Variants in TACC1 observed in about 807,000 individuals in gnomAD.
The protein encoded by TACC1 is transforming acidic coiled-coil-containing protein 1.
TACC1 carries 48 observed loss-of-function variants against 84.4 expected under a neutral mutation model. The observed-to-expected ratio is 0.57, with a 90% confidence interval of 0.45 to 0.72. TACC1 has a LOEUF of 0.72. Among genes scored for constraint, TACC1 ranks in the 30% least tolerant of loss-of-function variants. The pLI is 0.00. For missense variants in TACC1, 920 were observed against 973.0 expected (o/e 0.95, Z 0.72); for synonymous variants, 372 against 376.3 (o/e 0.99, Z 0.13).
intron 1 of TACC1, among the ~76,000 whole-genome samples, chr8:38,734,039 G>A (rs1383681104): frequency 6.6e-6 from 1 of 152,114 alleles, no homozygotes; most frequent in East Asian, 1.9e-4. Context: ...ATAAGTATGG[G>A]GAACTGGGGA....
chr8:38,834,603 A>G (rs1002445019), intron 6 of TACC1, among the ~76,000 whole-genome samples: 6 of 152,106 alleles, frequency 3.9e-5, no homozygotes, highest in Non-Finnish European at 8.8e-5. Flanking sequence ...CCTCCCCCAA[A>G]TGCTGCTGGA....
In TACC1 at chr8:38,746,524, G is replaced by C. The variant is rs528246396; in HGVS notation, c.26+1031G>C. 3.3e-5 allele frequency among the ~76,000 whole-genome samples: 5 copies of C among 152,150 alleles called. No individual in the cohort carries two copies. In the South Asian group the frequency reaches 1.0e-3, roughly 32 times the overall value. On this transcript the variant is annotated intron_variant, in intron 3 of 14. Transcript: ENST00000518415. ...TGAGATTTCAATTACATGTATGTTT[G>C]TTTGATATCATCTAACAAGTCTCTG...
chr8:38,837,052 A>C (rs1830367821), intron 7 of TACC1, among the ~76,000 whole-genome samples: 1 of 151,594 alleles, frequency 6.6e-6, no homozygotes, highest in Admixed American at 6.6e-5. Context: ...GAGGGATGTC[A>C]GCTAGTCCTG....
intron 8 of TACC1, 30 bp downstream of exon 8, chr8:38,838,576 G>T (rs1477662008): frequency 2.6e-6 from 4 of 1,560,634 alleles, no homozygotes; most frequent in Non-Finnish European, 3.5e-6. Context: ...GGAGGGGCTG[G>T]ATACTTTTAT....
intron 6 of TACC1, among the ~76,000 whole-genome samples, chr8:38,833,827 C>G (rs1213670664): frequency 6.6e-6 from 1 of 152,168 alleles, no homozygotes; most frequent in Non-Finnish European, 1.5e-5. Context: ...TTGACTTAAC[C>G]TGGGGACTCT....
rs1159921364 is a variant in TACC1, at chr8:38,819,888, C to G, written c.644C>G (p.Ala215Gly). 5.0e-6 allele frequency: 8 copies of G among 1,613,950 alleles called. No individual in the cohort carries two copies. Among genetic ancestry groups the G allele is most frequent in the Non-Finnish European group, 6.8e-6 (8 of 1,180,054 alleles). Residue 215 changes from alanine (A) to glycine (G), a missense_variant, in exon 3 of 13, where the codon GCT (alanine) becomes GGT (glycine). Transcript: ENST00000317827. Reference sequence around the variant, plus strand: ...GCCTCCGCAGAAGCTGATCTAAAAGCTGGCAACTCCTGTCCAGAGCTTGTG... The same window carrying G: ...GCCTCCGCAGAAGCTGATCTAAAAGGTGGCAACTCCTGTCCAGAGCTTGTG... Reference protein sequence around the residue: ...LEASAEADLKAGNSCPELVPS... With the variant: ...LEASAEADLKGGNSCPELVPS...
intron 1 of TACC1, among the ~76,000 whole-genome samples, chr8:38,735,049 C>G (rs527430965): frequency 6.6e-6 from 1 of 152,232 alleles, no homozygotes. Flanking sequence ...TGCAAGGATA[C>G]GTCATGGAAA....
chr8:38,757,377 C>T (rs925146323), intron 3 of TACC1: 3 of 1,261,532 alleles, frequency 2.4e-6, no homozygotes, highest in African/African-American at 3.2e-5. Context: ...GGGAACCCGC[C>T]GGGGAGAGGC....
chr8:38,785,474 G>A (rs1719469162), upstream of TACC1, among the ~76,000 whole-genome samples: 1 of 152,150 alleles, frequency 6.6e-6, no homozygotes. Context: ...GCCAGGCAGG[G>A]GTGACCTCAG....
At chr8:38,757,408 G>A in intron 3 of TACC1, 1 of 1,247,106 alleles carries the variant, frequency 8.0e-7, no homozygotes, top group South Asian at 1.3e-5. Flanking sequence ...CACGGAGACC[G>A]CGTGAGTCCC....
chr8:38,748,095 G>A (rs1487534193), intron 3 of TACC1, among the ~76,000 whole-genome samples: 2 of 151,958 alleles, frequency 1.3e-5, no homozygotes, highest in Non-Finnish European at 2.9e-5. Flanking sequence ...AAGACAGAAG[G>A]AAACCAAATA....
chr8:38,749,939 A>T (rs1277077964), intron 3 of TACC1, among the ~76,000 whole-genome samples: 2 of 152,234 alleles, frequency 1.3e-5, no homozygotes, highest in Non-Finnish European at 2.9e-5. Context: ...AATTCAACAA[A>T]TTAATAGAAT....
At chr8:38,740,243 C>T (rs1445883750) in intron 1 of TACC1, among the ~76,000 whole-genome samples, 1 of 152,220 alleles carries the variant, frequency 6.6e-6, no homozygotes, top group Non-Finnish European at 1.5e-5. Context: ...CCATTGGCTG[C>T]CTTCAGCCTG....
In TACC1 at chr8:38,840,714, T is replaced by C. The variant is rs573932601; in HGVS notation, c.1960+447T>C. 3.2e-5 allele frequency: 5 copies of C among 154,300 alleles called. No individual in the cohort carries two copies. In the East Asian group the frequency reaches 7.6e-4, roughly 23 times the overall value. The allele number at this position is 154,300 out of a possible 1,614,324, so 9.6% of individuals were successfully genotyped here. ...GTCGTCTCATTATTCGTGGGAGGTA[T>C]GTTCTGTAAAGTTGCTGCAAACACT... On this transcript the variant is annotated intron_variant, in intron 9 of 12. Coordinates refer to ENST00000317827, the MANE Select transcript of TACC1 (RefSeq NM_006283.3).
intron 2 of TACC1, among the ~76,000 whole-genome samples, chr8:38,806,764 T>C (rs1822850704): frequency 6.6e-6 from 1 of 152,226 alleles, no homozygotes; most frequent in Admixed American, 6.5e-5. Flanking sequence ...ACCAGTTCTC[T>C]GATTCTCCAG....
intron 3 of TACC1, among the ~76,000 whole-genome samples, chr8:38,755,193 A>G (rs1019355184): frequency 2.0e-5 from 3 of 150,742 alleles, no homozygotes; most frequent in Non-Finnish European, 3.0e-5. Context: ...TCTGTTGTCA[A>G]TGTAAATCTC....
At chr8:38,829,939 C>G (rs745627897) in intron 5 of TACC1, among the ~76,000 whole-genome samples, 1 of 152,124 alleles carries the variant, frequency 6.6e-6, no homozygotes, top group Non-Finnish European at 1.5e-5. Context: ...CTGATGGATA[C>G]TTACTAGATG....
chr8:38,827,020 A>G (rs1234637944), intron 4 of TACC1, 148 bp from the exon 5 acceptor site: 4 of 639,984 alleles, frequency 6.3e-6, no homozygotes, highest in Non-Finnish European at 1.1e-5. Flanking sequence ...AAAGACTCCA[A>G]CTTCCTCCTT....
intron 3 of TACC1, among the ~76,000 whole-genome samples, chr8:38,757,624 C>A (rs961469818): frequency 7.9e-5 from 12 of 151,948 alleles, no homozygotes; most frequent in Non-Finnish European, 1.5e-4. Flanking sequence ...CCACCGCGAC[C>A]GGATCGCGTC....
Sources: allele counts gnomAD v4.1 joint callset (sites outside exome capture counted in the v4.1 genomes callset), GRCh38; gene constraint gnomAD v4.1.1; transcripts MANE v1.5; gene names NCBI Gene and HGNC (gene_info 2026-07-23, HGNC 2026-07-21).